The following PRKCE variants were observed in gnomAD, a reference collection of about 807,000 sequenced individuals.
PRKCE encodes protein kinase C epsilon type.
Under a neutral mutation model 85.4 loss-of-function variants are expected in PRKCE, and 16 were observed. The observed-to-expected ratio is 0.19, with a 90% CI of 0.13 to 0.28. The LOEUF (loss-of-function observed/expected upper bound fraction) is 0.28. Ranked by LOEUF, PRKCE falls within the 10% of genes least tolerant of loss-of-function variation. The pLI is 1.00. For missense variants in PRKCE, 573 were observed against 975.2 expected (o/e 0.59, Z 5.49); for synonymous variants, 388 against 371.5 (o/e 1.04, Z -0.51).
intron 1 of PRKCE, among the ~76,000 whole-genome samples, chr2:45,836,753 A>C (rs1690914407): frequency 2.0e-5 from 3 of 152,190 alleles, no homozygotes; most frequent in Non-Finnish European, 2.9e-5. Context: ...TCCTCCAAGT[A>C]AAAAAGAAAA....
intron 2 of PRKCE, among the ~76,000 whole-genome samples, chr2:45,872,052 A>G (rs1694132577): frequency 6.6e-6 from 1 of 152,144 alleles, no homozygotes; most frequent in Non-Finnish European, 1.5e-5. Flanking sequence ...CCCTCATGGA[A>G]CTTACATTCT....
chr2:45,658,921 T>G (rs1348427175), intron 1 of PRKCE, among the ~76,000 whole-genome samples: 1 of 152,264 alleles, frequency 6.6e-6, no homozygotes, highest in Non-Finnish European at 1.5e-5. Flanking sequence ...GTCTAGAAGC[T>G]GCGGTCATTG....
intron 10 of PRKCE, among the ~76,000 whole-genome samples, chr2:46,054,014 C>T (rs1344143159): frequency 6.6e-6 from 1 of 152,132 alleles, no homozygotes; most frequent in East Asian, 1.9e-4. Context: ...TCAGAGTAGC[C>T]CTGTGCATAG....
chr2:46,034,803 G>C (rs774007696), intron 10 of PRKCE, among the ~76,000 whole-genome samples: 9 of 152,208 alleles, frequency 5.9e-5, no homozygotes, highest in Non-Finnish European at 1.0e-4. Context: ...ATTATTTCTG[G>C]CATAGTGCCA....
At chr2:46,012,160 G>C (rs1442146755) in intron 10 of PRKCE, among the ~76,000 whole-genome samples, 3 of 152,126 alleles carry the variant, frequency 2.0e-5, no homozygotes, top group African/African-American at 7.2e-5. Flanking sequence ...CATGAGAAAT[G>C]TATCATATTT....
chr2:45,714,809 G>A (rs1057197196), intron 1 of PRKCE, among the ~76,000 whole-genome samples: 13 of 152,200 alleles, frequency 8.5e-5, no homozygotes, highest in African/African-American at 2.9e-4. Context: ...TAGCATTCTT[G>A]GAGTCTAATG....
intron 1 of PRKCE, among the ~76,000 whole-genome samples, chr2:45,665,039 A>G (rs1675847946): frequency 1.3e-5 from 2 of 152,242 alleles, no homozygotes; most frequent in African/African-American, 2.4e-5. Flanking sequence ...TGGAATTGCT[A>G]AAGAGTAACA....
intron 10 of PRKCE, among the ~76,000 whole-genome samples, chr2:46,013,593 G>A (rs938764306): frequency 6.6e-6 from 1 of 152,134 alleles, no homozygotes; most frequent in African/African-American, 2.4e-5. Flanking sequence ...GAAAACAAAG[G>A]ACAGTTCCTC....
intron 1 of PRKCE, among the ~76,000 whole-genome samples, chr2:45,801,405 G>A (rs1238204988): frequency 1.3e-5 from 2 of 152,124 alleles, no homozygotes; most frequent in Non-Finnish European, 2.9e-5. Context: ...TTCAGGCCAA[G>A]GGTTGCAAAA....
At chr2:46,017,933 C>T (rs558909897) in intron 10 of PRKCE, among the ~76,000 whole-genome samples, 5 of 152,342 alleles carry the variant, frequency 3.3e-5, no homozygotes, top group African/African-American at 7.2e-5. Context: ...CTGTCTCCTT[C>T]TCTGTCCTCC....
Position 45,823,570 on chromosome 2 carries a change from T to C in PRKCE, c.349-19430T>C, listed in dbSNP as rs970513460. 3.9e-5 allele frequency among the ~76,000 whole-genome samples: 6 copies of C among 152,286 alleles called. 1 individual carries two copies. In the South Asian group the frequency reaches 1.2e-3, roughly 32 times the overall value. ...GATGTGTTACACTCCAGATAGTCAC[T>C]CCACAGCAAGAAAGTCGGGGGTAGG... On this transcript the variant is annotated intron_variant, in intron 1 of 14. Transcript: ENST00000306156.
At chr2:45,839,214 G>A (rs1003301276) in intron 1 of PRKCE, among the ~76,000 whole-genome samples, 5 of 152,034 alleles carry the variant, frequency 3.3e-5, no homozygotes, top group African/African-American at 7.3e-5. Context: ...CCCATTTCAC[G>A]GATGAAGAGG....
intron 11 of PRKCE, among the ~76,000 whole-genome samples, chr2:46,103,557 G>C (rs1671435045): frequency 6.6e-6 from 1 of 152,074 alleles, no homozygotes; most frequent in Admixed American, 6.6e-5. Context: ...AAAAACATGG[G>C]AGTGAGTGAG....
intron 11 of PRKCE, among the ~76,000 whole-genome samples, chr2:46,105,282 C>A (rs886171141): frequency 1.3e-5 from 2 of 152,092 alleles, no homozygotes; most frequent in African/African-American, 2.4e-5. Context: ...AACTTCCCTT[C>A]TTGAATCATA....
intron 13 of PRKCE, among the ~76,000 whole-genome samples, chr2:46,156,194 C>G (rs1311274450): frequency 6.6e-6 from 1 of 152,184 alleles, no homozygotes; most frequent in Admixed American, 6.5e-5. Context: ...CCGCCTCCCC[C>G]TCAGCCCTTC....
intron 1 of PRKCE, among the ~76,000 whole-genome samples, chr2:45,726,080 C>T (rs936264266): frequency 6.6e-6 from 1 of 152,088 alleles, no homozygotes; most frequent in Non-Finnish European, 1.5e-5. Flanking sequence ...CAAACTTGAA[C>T]GGATGAGGAG....
intron 10 of PRKCE, among the ~76,000 whole-genome samples, chr2:46,040,903 T>C (rs1344958026): frequency 6.6e-6 from 1 of 152,250 alleles, no homozygotes; most frequent in Non-Finnish European, 1.5e-5. Context: ...ATCTCAGTTT[T>C]AAATGTAGTT....
chr2:46,138,727 C>T lies in PRKCE; in HGVS notation c.1593-6366C>T, dbSNP rs1675230335. ...TTGGTTGTCACAGCTGGAGAGGGGG[C>T]ATACTAATAGCACCTAATGCATCTA... On this transcript the variant is annotated intron_variant, in intron 11 of 14. Coordinates refer to ENST00000306156, the MANE Select transcript of PRKCE (RefSeq NM_005400.3). The surrounding 1 kb of genome is among the most constrained non-coding windows in gnomAD (Gnocchi z 4.2). Among the ~76,000 whole-genome samples the T allele has an allele frequency of 6.6e-6, 1 of 152,142 alleles. No homozygotes were observed. The highest frequency in any genetic ancestry group is 1.5e-5 in the Non-Finnish European group (1 of 68,020).
intron 2 of PRKCE, among the ~76,000 whole-genome samples, chr2:45,911,325 T>A (rs965465388): frequency 1.3e-5 from 2 of 152,188 alleles, no homozygotes; most frequent in Non-Finnish European, 2.9e-5. Context: ...TCACTGAGAA[T>A]ACAAACCAGG....
Sources: allele counts gnomAD v4.1 joint callset (sites outside exome capture counted in the v4.1 genomes callset), GRCh38; gene constraint gnomAD v4.1.1; non-coding constraint Gnocchi (gnomAD v3.1); transcripts MANE v1.5; gene names NCBI Gene and HGNC (gene_info 2026-07-23, HGNC 2026-07-21).